The following PTPRD variants were observed in gnomAD, a reference collection of about 807,000 sequenced individuals.
PTPRD encodes the protein protein tyrosine phosphatase receptor type D, also known as receptor-type tyrosine-protein phosphatase delta.
PTPRD carries 34 observed loss-of-function variants against 214.5 expected under a neutral mutation model. The observed-to-expected ratio is 0.16, with a 90% CI of 0.12 to 0.21. PTPRD has a LOEUF of 0.21. Among genes scored for constraint, PTPRD ranks in the 10% least tolerant of loss-of-function variants. The pLI, the probability that PTPRD is intolerant of heterozygous loss-of-function variation, is 1.00. For synonymous variants in PTPRD, 1,128 were observed against 845.7 expected (o/e 1.33, Z -5.79); for missense variants, 2,545 against 2,398.7 (o/e 1.06, Z -1.27).
At position 8,455,410 on chromosome 9, in the gene PTPRD, C is replaced by T. The variant is rs571236942; in HGVS notation, c.3875+5001G>A. 9.9e-5 allele frequency among the ~76,000 whole-genome samples: 15 copies of T among 152,180 alleles called. 1 individual carries two copies. The highest frequency in any genetic ancestry group is 3.4e-4 in the African/African-American group (14 of 41,524). On this transcript the variant is annotated intron_variant, in intron 33 of 45. Coordinates refer to ENST00000381196, the MANE Select transcript of PTPRD (RefSeq NM_002839.4). ...GATAATATGTTGATTGTGTAAATAACCATATTATTTCTGCAGAGTATAACC... is the reference window on the plus strand; with the variant it reads ...GATAATATGTTGATTGTGTAAATAATCATATTATTTCTGCAGAGTATAACC...
chr9:9,720,199 G>A (rs549847341), intron 7 of PTPRD, among the ~76,000 whole-genome samples: 38 of 152,302 alleles, frequency 2.5e-4, no homozygotes, highest in Non-Finnish European at 4.7e-4. Flanking sequence ...TAAAAAAGGG[G>A]TAGCAGTGAG....
chr9:10,548,714 A>T (rs1356104651), intron 2 of PTPRD, among the ~76,000 whole-genome samples: 1 of 139,896 alleles, frequency 7.1e-6, no homozygotes, highest in Non-Finnish European at 1.5e-5. Context: ...GAAACCAGGC[A>T]TCCTTTGCCA....
chr9:8,636,237 G>A (rs1457793295), intron 13 of PTPRD, among the ~76,000 whole-genome samples: 1 of 152,114 alleles, frequency 6.6e-6, no homozygotes. Flanking sequence ...CAATTGGATG[G>A]GACTGTCCTC....
intron 11 of PTPRD, among the ~76,000 whole-genome samples, chr9:8,987,405 T>C (rs912213793): frequency 1.3e-5 from 2 of 150,232 alleles, no homozygotes; most frequent in African/African-American, 4.8e-5. Flanking sequence ...ATGATTACTA[T>C]GCTAATGCAG....
intron 39 of PTPRD, among the ~76,000 whole-genome samples, chr9:8,355,902 G>C (rs6477294): frequency 0.6 from 90,397 of 151,924 alleles, 29,828 homozygotes; most frequent in Non-Finnish European, 0.76. Flanking sequence ...CAGGCACATT[G>C]CTAACATTTT....
rs186255768 is a variant in PTPRD, at chr9:9,445,075, C to A, written c.-236-47593G>T. Among the ~76,000 whole-genome samples, 152 of 152,212 alleles carry A rather than the reference C, an allele frequency of 1.0e-3. 1 individual carries two copies. The highest frequency in any genetic ancestry group is 2.0e-3 in the Admixed American group (31 of 15,296). On this transcript the variant is annotated intron_variant, in intron 8 of 45. Transcript: ENST00000381196. ...ATAAATGAATTGGCATGTGATATGA[C>A]AATTTGTAAGATTTTTGCACTTGGT...
intron 3 of PTPRD, among the ~76,000 whole-genome samples, chr9:10,332,106 T>C (rs748609220): frequency 1.9e-4 from 29 of 151,904 alleles, no homozygotes; most frequent in Non-Finnish European, 2.7e-4. Flanking sequence ...GCACATCATA[T>C]ACTGATGGAT....
In PTPRD at chr9:9,998,286, G is replaced by T. The variant is rs564808681; in HGVS notation, c.-472+35432C>A. Reference sequence around the variant, plus strand: ...TGGAGTCTCACAGATGGTCCAGCAGGATTGATGGGTCCCGGGGCTCAAACC... The same window carrying T: ...TGGAGTCTCACAGATGGTCCAGCAGTATTGATGGGTCCCGGGGCTCAAACC... On this transcript the variant is annotated intron_variant, in intron 4 of 45. Coordinates refer to ENST00000381196, the MANE Select transcript of PTPRD (RefSeq NM_002839.4). Among the ~76,000 whole-genome samples the T allele has an allele frequency of 5.3e-5, 8 of 151,382 alleles. No individual in the cohort carries two copies. In the East Asian group the frequency reaches 1.6e-3, roughly 30 times the overall value.
intron 44 of PTPRD, among the ~76,000 whole-genome samples, chr9:8,323,852 TGAAA>T (rs1189493353): frequency 6.6e-6 from 1 of 152,210 alleles, no homozygotes; most frequent in Non-Finnish European, 1.5e-5. Flanking sequence ...ACTCCAATTT[TGAAA>T]GAAGTTCTAC....
intron 3 of PTPRD, among the ~76,000 whole-genome samples, chr9:10,332,328 C>T (rs993306104): frequency 2.0e-5 from 3 of 151,740 alleles, no homozygotes; most frequent in Admixed American, 6.6e-5. Context: ...AACAGGGTTT[C>T]GAAGAGGAGA....
chr9:8,841,542 A>G (rs1361982843), intron 11 of PTPRD, among the ~76,000 whole-genome samples: 1 of 152,164 alleles, frequency 6.6e-6, no homozygotes, highest in Non-Finnish European at 1.5e-5. Flanking sequence ...TATAAATACA[A>G]TCCCCTACCC....
At chr9:9,185,003 G>A (rs2099930459) in intron 9 of PTPRD, among the ~76,000 whole-genome samples, 1 of 152,018 alleles carries the variant, frequency 6.6e-6, no homozygotes, top group Non-Finnish European at 1.5e-5. Flanking sequence ...AAATATGCTT[G>A]CAAAACTGTT....
chr9:8,609,992 G>A (rs2095384683), intron 14 of PTPRD, among the ~76,000 whole-genome samples: 1 of 152,092 alleles, frequency 6.6e-6, no homozygotes, highest in Non-Finnish European at 1.5e-5. Context: ...TGTAGCTCAG[G>A]CTCCCTATTA....
At chr9:10,227,522 C>A (rs1224918731) in intron 3 of PTPRD, among the ~76,000 whole-genome samples, 2 of 151,942 alleles carry the variant, frequency 1.3e-5, no homozygotes, top group Admixed American at 1.3e-4. Context: ...GCTCAAAAAT[C>A]ACTTCCCTTA....
chr9:10,165,657 T>C (rs534721250), intron 3 of PTPRD, among the ~76,000 whole-genome samples: 1 of 151,766 alleles, frequency 6.6e-6, no homozygotes, highest in Admixed American at 6.6e-5. Flanking sequence ...AGCATTGCAA[T>C]AATAAGACCT....
At chr9:10,452,250 C>T (rs577871801) in intron 2 of PTPRD, among the ~76,000 whole-genome samples, 2 of 151,970 alleles carry the variant, frequency 1.3e-5, no homozygotes, top group East Asian at 1.9e-4. Context: ...CTTTTCCATA[C>T]GTTGGTCATT....
At chr9:9,604,114 G>C (rs1256056441) in intron 7 of PTPRD, among the ~76,000 whole-genome samples, 1 of 151,788 alleles carries the variant, frequency 6.6e-6, no homozygotes, top group Non-Finnish European at 1.5e-5. Context: ...AAAAATAACA[G>C]CTAAGTTTTG....
intron 11 of PTPRD, among the ~76,000 whole-genome samples, chr9:8,926,837 T>A (rs762026531): frequency 6.6e-6 from 1 of 152,222 alleles, no homozygotes; most frequent in Non-Finnish European, 1.5e-5. Context: ...ATTCAACTTG[T>A]AAAGACTATT....
intron 10 of PTPRD, among the ~76,000 whole-genome samples, chr9:9,179,727 A>T (rs1319201030): frequency 1.3e-5 from 2 of 152,076 alleles, no homozygotes; most frequent in Admixed American, 1.3e-4. Context: ...CCATCTAGTT[A>T]GATGGTTTTG....
Sources: allele counts gnomAD v4.1 joint callset (sites outside exome capture counted in the v4.1 genomes callset), GRCh38; gene constraint gnomAD v4.1.1; transcripts MANE v1.5; gene names NCBI Gene and HGNC (gene_info 2026-07-23, HGNC 2026-07-21).